Variants in THSD7A observed in about 807,000 individuals in gnomAD.
The protein encoded by THSD7A is thrombospondin type-1 domain-containing protein 7A.
THSD7A carries 96 observed loss-of-function variants against 231.3 expected under a neutral mutation model. That is an observed-to-expected ratio of 0.41 (90% CI 0.35 to 0.49). THSD7A has a LOEUF of 0.49. THSD7A is among the 20% of genes least tolerant of loss of function. The pLI, the probability that THSD7A is intolerant of heterozygous loss-of-function variation, is 0.05. For missense variants in THSD7A, 2,290 were observed against 2,070.2 expected, an observed-to-expected ratio of 1.11 and a Z score of -2.06; for synonymous variants, 940 against 743.3, an observed-to-expected ratio of 1.26 and a Z score of -4.30.
At chr7:11,389,858 T>C (rs1471027122) in intron 23 of THSD7A, among the ~76,000 whole-genome samples, 1 of 152,206 alleles carries the variant, frequency 6.6e-6, no homozygotes, top group African/African-American at 2.4e-5. Flanking sequence ...ATTTTATTTC[T>C]CTTTCACTTA....
intron 4 of THSD7A, among the ~76,000 whole-genome samples, chr7:11,573,093 A>T (rs901715881): frequency 2.0e-5 from 3 of 152,092 alleles, no homozygotes; most frequent in African/African-American, 7.2e-5. Flanking sequence ...GACAGTGTGG[A>T]CCTTCTGGGA....
At chr7:11,473,456 T>C (rs954216154) in intron 8 of THSD7A, among the ~76,000 whole-genome samples, 4 of 152,164 alleles carry the variant, frequency 2.6e-5, no homozygotes, top group African/African-American at 7.2e-5. Context: ...TGGCTGAGTA[T>C]TTAGTAAATA....
Position 11,831,650 on chromosome 7 carries a change from G to A in THSD7A, c.190+107C>T. On this transcript the variant is annotated intron_variant, in intron 1 of 27. Transcript: ENST00000423059. The surrounding 1 kb of genome is among the most constrained non-coding windows in gnomAD (Gnocchi z 5.0). Reference sequence around the variant, plus strand: ...TCATACTTTTTACCTTAGGATACCAGCATAACCAAGCCATCCAAAAGCACC... The same window carrying A: ...TCATACTTTTTACCTTAGGATACCAACATAACCAAGCCATCCAAAAGCACC... The A allele has an allele frequency of 1.4e-6, 1 of 730,346 alleles. No homozygotes were observed. The highest frequency in any genetic ancestry group is 1.9e-6 in the Non-Finnish European group (1 of 529,922). The allele number at this position is 730,346 out of a possible 1,614,324, so 45.2% of individuals were successfully genotyped here. A position where few individuals can be genotyped will look rare whatever the true frequency, so the allele number is the denominator to read the frequency against.
At chr7:11,577,935 T>G (rs1415390030) in intron 4 of THSD7A, among the ~76,000 whole-genome samples, 1 of 152,154 alleles carries the variant, frequency 6.6e-6, no homozygotes, top group Non-Finnish European at 1.5e-5. Context: ...CTACCATAAC[T>G]ATAGAAGTAA....
intron 9 of THSD7A, 151 bp downstream of exon 9, chr7:11,469,728 T>A (rs1311090496): frequency 1.8e-6 from 1 of 552,790 alleles, no homozygotes; most frequent in African/African-American, 1.9e-5. Flanking sequence ...TGTTATTTCC[T>A]AGAGGGAAAC....
chr7:11,696,599 C>T (rs531273550), intron 1 of THSD7A, among the ~76,000 whole-genome samples: 79 of 151,310 alleles, frequency 5.2e-4, no homozygotes, highest in African/African-American at 1.6e-3. Context: ...CCCCCTCCCC[C>T]CGACAGGCCC....
At chr7:11,376,925 G>T (rs1424840799) in intron 26 of THSD7A, 2 of 284,998 alleles carry the variant, frequency 7.0e-6, no homozygotes, top group African/African-American at 2.2e-5. Flanking sequence ...AACTTCAGCT[G>T]CCTTTCATCT....
chr7:11,777,753 G>A (rs527384134), intron 1 of THSD7A, among the ~76,000 whole-genome samples: 19 of 152,262 alleles, frequency 1.2e-4, no homozygotes, highest in African/African-American at 4.3e-4. Flanking sequence ...TAACAGGGAT[G>A]AAATAAATGC....
chr7:11,477,877 G>C (rs936654039), intron 7 of THSD7A, among the ~76,000 whole-genome samples: 1 of 152,138 alleles, frequency 6.6e-6, no homozygotes, highest in Non-Finnish European at 1.5e-5. Context: ...GCTAATATAT[G>C]TCTATATGTA....
intron 4 of THSD7A, among the ~76,000 whole-genome samples, chr7:11,561,585 C>G (rs1375035093): frequency 6.6e-6 from 1 of 152,152 alleles, no homozygotes; most frequent in African/African-American, 2.4e-5. Context: ...AATTAAGAAA[C>G]TGAGGCCAGG....
At chr7:11,700,658 T>C (rs1393194730) in intron 1 of THSD7A, among the ~76,000 whole-genome samples, 1 of 151,190 alleles carries the variant, frequency 6.6e-6, no homozygotes, top group Non-Finnish European at 1.5e-5. Context: ...CTAAATCATC[T>C]CTCACAATCA....
chr7:11,375,484 C>T lies in THSD7A; in HGVS notation c.*310G>A. 4.6e-6 allele frequency: 1 copy of T among 218,454 alleles called. No homozygotes were observed. The highest frequency in any genetic ancestry group is 9.0e-6 in the Non-Finnish European group (1 of 111,198). The allele number at this position is 218,454 out of a possible 1,614,324, so 13.5% of individuals were successfully genotyped here. A position where few individuals can be genotyped will look rare whatever the true frequency, so the allele number is the denominator to read the frequency against. ...ATCAGGCATCCTAACTGGCCAATTC[C>T]ACCATTATTTTTTAGAGATGAAAGT... is the stretch of plus-strand genomic sequence containing the variant. On this transcript the variant is annotated 3_prime_UTR_variant, in exon 28 of 28. Transcript: ENST00000423059.
chr7:11,608,128 C>T (rs1208224364), intron 2 of THSD7A, among the ~76,000 whole-genome samples: 3 of 152,156 alleles, frequency 2.0e-5, no homozygotes, highest in African/African-American at 7.2e-5. Context: ...AAGCCCACCT[C>T]AAGTGAAAAC....
intron 22 of THSD7A, among the ~76,000 whole-genome samples, chr7:11,403,469 T>G (rs1044591118): frequency 6.6e-6 from 1 of 152,098 alleles, no homozygotes; most frequent in African/African-American, 2.4e-5. Flanking sequence ...TCTGAGAAAG[T>G]TTTAGAAACG....
chr7:11,617,619 C>T (rs1781152019), intron 2 of THSD7A, among the ~76,000 whole-genome samples: 2 of 152,136 alleles, frequency 1.3e-5, no homozygotes, highest in Admixed American at 1.3e-4. Context: ...CTCTAGCATT[C>T]TACTTACACA....
chr7:11,618,494 A>G lies in THSD7A; in HGVS notation c.1022+17636T>C, dbSNP rs1456548516. Among the ~76,000 whole-genome samples, 3 of 152,098 alleles carry G rather than the reference A, an allele frequency of 2.0e-5. No homozygotes were observed. In the East Asian group the frequency reaches 5.8e-4, roughly 29 times the overall value. On this transcript the variant is annotated intron_variant, in intron 2 of 27. Coordinates refer to ENST00000423059, the MANE Select transcript of THSD7A (RefSeq NM_015204.3). ...GAATGAGGATGTGCTTGATGTTTTA[A>G]TATGATGTAAGAAGGAGAAGAATAG...
chr7:11,400,485 C>T lies in THSD7A; in HGVS notation c.4411+1310G>A, dbSNP rs561087021. Among the ~76,000 whole-genome samples, 7 of 152,134 alleles carry T rather than the reference C, an allele frequency of 4.6e-5. No homozygotes were observed. In the South Asian group the frequency reaches 8.3e-4, roughly 18 times the overall value. ...GTATGATTTTACTCTCTAAGGTGTGCGTGTGGAGATCTCTTTTGTCATTGT... is the reference window on the plus strand; with the variant it reads ...GTATGATTTTACTCTCTAAGGTGTGTGTGTGGAGATCTCTTTTGTCATTGT... On this transcript the variant is annotated intron_variant, in intron 23 of 27. Transcript: ENST00000423059.
intron 1 of THSD7A, among the ~76,000 whole-genome samples, chr7:11,667,026 G>A (rs1584176537): frequency 6.6e-6 from 1 of 152,064 alleles, no homozygotes; most frequent in East Asian, 1.9e-4. Context: ...TTTATTCACT[G>A]AACTTAAAAC....
At chr7:11,765,516 A>T (rs1783004933) in intron 1 of THSD7A, among the ~76,000 whole-genome samples, 1 of 152,206 alleles carries the variant, frequency 6.6e-6, no homozygotes, top group Non-Finnish European at 1.5e-5. Flanking sequence ...GACTAGTTCA[A>T]ATAAATATGA....
Sources: allele counts gnomAD v4.1 joint callset (sites outside exome capture counted in the v4.1 genomes callset), GRCh38; gene constraint gnomAD v4.1.1; non-coding constraint Gnocchi (gnomAD v3.1); transcripts MANE v1.5; gene names NCBI Gene and HGNC (gene_info 2026-07-23, HGNC 2026-07-21).